The following FUBP3 variants were observed in gnomAD, a reference collection of about 807,000 sequenced individuals.
FUBP3 encodes the protein far upstream element binding protein 3, also known as far upstream element-binding protein 3.
A neutral mutation model predicts 85.6 loss-of-function variants in FUBP3; 28 were observed. That is an observed-to-expected ratio of 0.33 (90% CI 0.24 to 0.45). The LOEUF is 0.45. FUBP3 is among the 20% of genes least tolerant of loss of function. FUBP3 has a pLI of 1.00. For synonymous variants in FUBP3, 271 were observed against 271.4 expected, an observed-to-expected ratio of 1.00 and a Z score of 0.01; for missense variants, 583 against 755.1, an observed-to-expected ratio of 0.77 and a Z score of 2.67.
chr9:130,599,419 C>T lies in FUBP3; in HGVS notation c.190+3831C>T, dbSNP rs1021317573. Among the ~76,000 whole-genome samples the T allele has an allele frequency of 2.7e-5, 4 of 149,084 alleles. No homozygotes were observed. The East Asian group carries it at 7.9e-4, about 29-fold the overall frequency. ...TATATGTAAAGTTTTTTTTAATATG[C>T]TAGGCAGTGGAACAAGGGAAAGGAT... On this transcript the variant is annotated intron_variant, in intron 2 of 18. Transcript: ENST00000319725.
intron 2 of FUBP3, among the ~76,000 whole-genome samples, chr9:130,603,340 C>G (rs1358956718): frequency 1.0e-5 from 1 of 99,290 alleles, no homozygotes; most frequent in East Asian, 3.4e-4. Context: ...GAGCAAGACT[C>G]TGTCTCCAAA....
intron 1 of FUBP3, among the ~76,000 whole-genome samples, chr9:130,583,612 A>C (rs1419215403): frequency 6.6e-6 from 1 of 152,182 alleles, no homozygotes; most frequent in Admixed American, 6.5e-5. Context: ...CACTCATTTT[A>C]GCTTTCATAA....
Position 130,599,995 on chromosome 9 carries a change from A to G in FUBP3, c.190+4407A>G, listed in dbSNP as rs181104571. Among the ~76,000 whole-genome samples the G allele has an allele frequency of 4.9e-3, 737 of 151,696 alleles. 7 individuals are homozygous for G. Among genetic ancestry groups the G allele is most frequent in the African/African-American group, 0.017 (699 of 41,320 alleles). ...AACCTGCCCAACTCCTGCTCAGCCAACTTCTTCCTAGAAACCTGTCCTCTT... is the reference window on the plus strand; with the variant it reads ...AACCTGCCCAACTCCTGCTCAGCCAGCTTCTTCCTAGAAACCTGTCCTCTT... On this transcript the variant is annotated intron_variant, in intron 2 of 18. Coordinates refer to ENST00000319725, the MANE Select transcript of FUBP3 (RefSeq NM_003934.2).
intron 2 of FUBP3, among the ~76,000 whole-genome samples, chr9:130,607,748 TCA>T (rs1228715062): frequency 1.3e-5 from 2 of 152,182 alleles, no homozygotes; most frequent in African/African-American, 4.8e-5. Context: ...GAAACTGCAA[TCA>T]CATGTTTCAG....
chr9:130,609,918 G>A, intron 2 of FUBP3, 36 bp from the exon 3 acceptor site: 1 of 1,558,842 alleles, frequency 6.4e-7, no homozygotes, highest in Non-Finnish European at 8.8e-7. Context: ...CCGTGCTAAT[G>A]CTTTGATTTT....
At position 130,616,595 on chromosome 9, in the gene FUBP3, C is replaced by A; in HGVS notation, c.567+78C>A. ...CTTCCTGGCCCAGGAGATCTGCTTACGGCTGGCATTCCCTGGCTGGGCTGG... is the reference window on the plus strand; with the variant it reads ...CTTCCTGGCCCAGGAGATCTGCTTAAGGCTGGCATTCCCTGGCTGGGCTGG... On this transcript the variant is annotated intron_variant, in intron 7 of 18. Coordinates refer to ENST00000319725, the MANE Select transcript of FUBP3 (RefSeq NM_003934.2). This position sits in a 1 kb window ranked among gnomAD's most constrained non-coding sequence, Gnocchi z 4.7. 7.3e-7 allele frequency: 1 copy of A among 1,372,482 alleles called. No homozygotes were observed. Among genetic ancestry groups the A allele is most frequent in the Non-Finnish European group, 1.0e-6 (1 of 972,146 alleles). The allele number at this position is 1,372,482 out of a possible 1,614,324, so 85.0% of individuals were successfully genotyped here.
chr9:130,622,320 CAAAAAA>C (rs917479721), intron 9 of FUBP3, among the ~76,000 whole-genome samples: 6 of 44,348 alleles, frequency 1.4e-4, no homozygotes, highest in African/African-American at 5.0e-4. Context: ...ACTCCATCTC[CAAAAAA>C]AAAAAAAAAA....
intron 12 of FUBP3, among the ~76,000 whole-genome samples, chr9:130,628,126 A>C (rs527527404): frequency 6.4e-4 from 88 of 137,878 alleles, no homozygotes; most frequent in African/African-American, 1.9e-3. Context: ...ACACACACAC[A>C]CCCCCTACCC....
intron 2 of FUBP3, among the ~76,000 whole-genome samples, chr9:130,605,822 A>G (rs1289067165): frequency 6.6e-6 from 1 of 152,212 alleles, no homozygotes; most frequent in Non-Finnish European, 1.5e-5. Context: ...CATCTCTACT[A>G]AAAGTACAAA....
At chr9:130,613,596 C>T (rs1831859788) in intron 5 of FUBP3, among the ~76,000 whole-genome samples, 1 of 152,152 alleles carries the variant, frequency 6.6e-6, no homozygotes, top group African/African-American at 2.4e-5. Flanking sequence ...TTGAGCTTGA[C>T]CTCTTTCCAT....
chr9:130,627,299 C>T (rs566879723), intron 12 of FUBP3, among the ~76,000 whole-genome samples: 5 of 152,364 alleles, frequency 3.3e-5, no homozygotes, highest in East Asian at 1.9e-4. Context: ...GGGGGACTCC[C>T]GTTGTCACTG....
At position 130,616,049 on chromosome 9, in the gene FUBP3, C is replaced by T. The variant is rs560720857; in HGVS notation, c.405-306C>T. Among the ~76,000 whole-genome samples, 1 of 152,280 alleles carries T rather than the reference C, an allele frequency of 6.6e-6. No homozygotes were observed. The highest frequency in any genetic ancestry group is 1.9e-4 in the East Asian group (1 of 5,178). On this transcript the variant is annotated intron_variant, in intron 6 of 18. Transcript: ENST00000319725. This position sits in a 1 kb window ranked among gnomAD's most constrained non-coding sequence, Gnocchi z 4.7. ...TGAAAGATGGTCTCTGCCTCCAGAG[C>T]AGCTGGCATCCTAATAGGAGACGAC...
chr9:130,593,716 CTT>C (rs1186167167), intron 1 of FUBP3, among the ~76,000 whole-genome samples: 1 of 152,232 alleles, frequency 6.6e-6, no homozygotes, highest in Non-Finnish European at 1.5e-5. Flanking sequence ...CCACTGAAGA[CTT>C]TGCTCTGGGG....
At position 130,612,924 on chromosome 9, in the gene FUBP3, CG is replaced by C; in HGVS notation, c.275-31del. 7.2e-7 allele frequency: 1 copy of C among 1,398,274 alleles called. No individual in the cohort carries two copies. Among genetic ancestry groups the C allele is most frequent in the Non-Finnish European group, 1.0e-6 (1 of 983,894 alleles). The allele number at this position is 1,398,274 out of a possible 1,614,324, so 86.6% of individuals were successfully genotyped here. A position where few individuals can be genotyped will look rare whatever the true frequency, so the allele number is the denominator to read the frequency against. On this transcript the variant is annotated intron_variant, in intron 4 of 18. Transcript: ENST00000319725. This position sits in a 1 kb window ranked among gnomAD's most constrained non-coding sequence, Gnocchi z 4.1. ...TGCGTGGTGAAATATGGAATAGGGG[CG>C]TGTATTCTGACCCTGTTCAATTTGT...
intron 12 of FUBP3, among the ~76,000 whole-genome samples, chr9:130,628,358 T>C (rs919880626): frequency 1.8e-4 from 27 of 152,240 alleles, no homozygotes; most frequent in African/African-American, 6.5e-4. Flanking sequence ...TTTGATTAAT[T>C]GCTTTACGAT....
chr9:130,621,417 A>C (rs575918555), intron 9 of FUBP3, among the ~76,000 whole-genome samples: 2 of 152,344 alleles, frequency 1.3e-5, no homozygotes, highest in African/African-American at 4.8e-5. Flanking sequence ...CACTCCTCCC[A>C]GGAGATCGAG....
chr9:130,630,889 G>A (rs1472057167), intron 13 of FUBP3, 101 bp downstream of exon 13: 17 of 934,440 alleles, frequency 1.8e-5, no homozygotes, highest in Non-Finnish European at 2.5e-5. Context: ...GCTTGTGCCT[G>A]TGGGTTCTCA....
rs185572364 is a variant in FUBP3, at chr9:130,603,393, G to C, written c.191-6561G>C. 4.8e-4 allele frequency among the ~76,000 whole-genome samples: 71 copies of C among 148,894 alleles called. 1 individual carries two copies. The South Asian group carries it at 0.015, about 31-fold the overall frequency. On this transcript the variant is annotated intron_variant, in intron 2 of 18. Coordinates refer to ENST00000319725, the MANE Select transcript of FUBP3 (RefSeq NM_003934.2). ...ACAAATAGTGAAGGGGACAGGGTCTGATTTTATCCAGTTGACAACTCCTGG... is the reference window on the plus strand; with the variant it reads ...ACAAATAGTGAAGGGGACAGGGTCTCATTTTATCCAGTTGACAACTCCTGG...
At chr9:130,600,606 C>T (rs561692418) in intron 2 of FUBP3, among the ~76,000 whole-genome samples, 18 of 151,968 alleles carry the variant, frequency 1.2e-4, no homozygotes, top group Admixed American at 5.9e-4. Context: ...GGTGATCCTC[C>T]CACCTCAGCC....
Sources: gnomAD v4.1 joint callset for allele counts (sites outside exome capture counted in the v4.1 genomes callset) on GRCh38, gnomAD v4.1.1 for gene constraint, Gnocchi (gnomAD v3.1) non-coding constraint, MANE v1.5 for transcripts, NCBI Gene and HGNC (gene_info 2026-07-23, HGNC 2026-07-21) for gene names.